SUMF1: variants seen among roughly 807,000 people sequenced by gnomAD.
SUMF1 encodes sulfatase modifying factor 1.
SUMF1 carries 48 observed loss-of-function variants against 47.6 expected under a neutral mutation model. That is an observed-to-expected ratio of 1.01 (90% CI 0.80 to 1.28). SUMF1 has a LOEUF of 1.28. Among genes scored for constraint, SUMF1 ranks in the 50% most tolerant of loss-of-function variants. SUMF1 has a pLI of 0.00. For missense variants in SUMF1, 571 were observed against 485.4 expected, an observed-to-expected ratio of 1.18 and a Z score of -1.66; for synonymous variants, 230 against 192.1, an observed-to-expected ratio of 1.20 and a Z score of -1.63.
intron 8 of SUMF1, among the ~76,000 whole-genome samples, chr3:4,366,270 T>C (rs374864422): frequency 3.3e-5 from 5 of 152,160 alleles, no homozygotes; most frequent in South Asian, 2.1e-4. Flanking sequence ...GCCTGCCTTG[T>C]TAGATTGGGG....
intron 8 of SUMF1, among the ~76,000 whole-genome samples, chr3:4,212,844 A>G (rs1695829466): frequency 6.6e-6 from 1 of 152,204 alleles, no homozygotes; most frequent in African/African-American, 2.4e-5. Flanking sequence ...AAATAAAGCG[A>G]GAAGACAAAA....
chr3:4,197,641 T>C (rs2587928), intron 8 of SUMF1, among the ~76,000 whole-genome samples: 52,698 of 151,942 alleles, frequency 0.35, 9,296 homozygotes, highest in East Asian at 0.4. Flanking sequence ...GGATGCTACT[T>C]TTATAGAATA....
chr3:4,315,936 A>G (rs1698619748), intron 8 of SUMF1, among the ~76,000 whole-genome samples: 1 of 151,360 alleles, frequency 6.6e-6, no homozygotes. Context: ...AGTCCCAGCT[A>G]CTCAGGAGGC....
intron 8 of SUMF1, among the ~76,000 whole-genome samples, chr3:4,240,634 A>G (rs1696515081): frequency 6.6e-6 from 1 of 152,102 alleles, no homozygotes; most frequent in Non-Finnish European, 1.5e-5. Flanking sequence ...TGATAGTGAG[A>G]TATTATAAGC....
In SUMF1 at chr3:4,054,205, G is replaced by T. The variant is rs115777141; in HGVS notation, c.1191+14364C>A. On this transcript the variant is annotated intron_variant and NMD_transcript_variant, in intron 9 of 12. Coordinates refer to the SUMF1 transcript ENST00000448413. ...ATAAATGAACACAGGCCAATAGTGAGAAAAAGAACTGTATATGAGCACAAT... is the reference window on the plus strand; with the variant it reads ...ATAAATGAACACAGGCCAATAGTGATAAAAAGAACTGTATATGAGCACAAT... 5.6e-3 allele frequency among the ~76,000 whole-genome samples: 847 copies of T among 152,182 alleles called. 15 individuals are homozygous for T. Among genetic ancestry groups the T allele is most frequent in the Non-Finnish European group, 6.9e-3 (471 of 67,998 alleles).
intron 8 of SUMF1, among the ~76,000 whole-genome samples, chr3:4,161,403 G>A (rs577204659): frequency 2.6e-5 from 4 of 152,260 alleles, no homozygotes; most frequent in Admixed American, 6.5e-5. Flanking sequence ...AGTTCTCCCA[G>A]GCCCTCGGTG....
intron 8 of SUMF1, among the ~76,000 whole-genome samples, chr3:4,293,118 A>T (rs1559659262): frequency 6.6e-6 from 1 of 152,226 alleles, no homozygotes; most frequent in Non-Finnish European, 1.5e-5. Context: ...TGAGGGATTA[A>T]AGCTAGAGTC....
chr3:4,386,634 C>G (rs536845289), intron 7 of SUMF1, among the ~76,000 whole-genome samples: 1 of 152,136 alleles, frequency 6.6e-6, no homozygotes, highest in East Asian at 1.9e-4. Context: ...AATCCCAGCA[C>G]TATGTTGAAT....
chr3:4,263,169 A>C (rs1276364591), intron 8 of SUMF1, among the ~76,000 whole-genome samples: 1 of 152,226 alleles, frequency 6.6e-6, no homozygotes, highest in African/African-American at 2.4e-5. Context: ...GAAAATCTCC[A>C]ATCTGTAATA....
At chr3:4,345,775 G>A (rs1699360974) in intron 8 of SUMF1, among the ~76,000 whole-genome samples, 1 of 152,136 alleles carries the variant, frequency 6.6e-6, no homozygotes, top group African/African-American at 2.4e-5. Flanking sequence ...TCAGCATGCT[G>A]TATTCAGGAG....
intron 8 of SUMF1, among the ~76,000 whole-genome samples, chr3:4,233,163 C>T (rs1426250144): frequency 1.3e-5 from 2 of 152,240 alleles, no homozygotes; most frequent in Non-Finnish European, 2.9e-5. Context: ...CAGCAGCAGA[C>T]GCTTTACAGA....
At chr3:4,055,739 G>A (rs1188863403) in intron 9 of SUMF1, among the ~76,000 whole-genome samples, 1 of 152,090 alleles carries the variant, frequency 6.6e-6, no homozygotes, top group Non-Finnish European at 1.5e-5. Context: ...AAAGTGCAAG[G>A]ATTACAAGTG....
chr3:4,235,345 G>C (rs532605539), intron 8 of SUMF1, among the ~76,000 whole-genome samples: 24 of 152,166 alleles, frequency 1.6e-4, no homozygotes, highest in Middle Eastern at 3.4e-3. Context: ...GATAAATACA[G>C]TTTTGAATTT....
At chr3:4,155,468 G>T (rs561270518) in intron 8 of SUMF1, among the ~76,000 whole-genome samples, 14 of 151,462 alleles carry the variant, frequency 9.2e-5, no homozygotes, top group Non-Finnish European at 1.8e-4. Flanking sequence ...GAGCTTTGAA[G>T]CAAAAGGAAG....
chr3:4,168,950 C>G (rs930251126), intron 8 of SUMF1, among the ~76,000 whole-genome samples: 1 of 152,168 alleles, frequency 6.6e-6, no homozygotes, highest in Non-Finnish European at 1.5e-5. Flanking sequence ...AGATATTGTT[C>G]CAGCAACGTA....
chr3:4,348,258 C>A (rs568781359), intron 8 of SUMF1, among the ~76,000 whole-genome samples: 1 of 152,300 alleles, frequency 6.6e-6, no homozygotes, highest in South Asian at 2.1e-4. Flanking sequence ...GGAGGCATCA[C>A]ACTACCTGAC....
intron 7 of SUMF1, among the ~76,000 whole-genome samples, chr3:4,399,672 G>A (rs1701145871): frequency 6.6e-6 from 1 of 152,180 alleles, no homozygotes; most frequent in African/African-American, 2.4e-5. Flanking sequence ...AGATGGAAAG[G>A]AAGGCCCACG....
chr3:4,180,700 A>ACACACACACACACACACACACACAC (rs1553606606), intron 8 of SUMF1, among the ~76,000 whole-genome samples: 9 of 151,420 alleles, frequency 5.9e-5, no homozygotes, highest in Non-Finnish European at 8.8e-5. Context: ...ACACACACAC[A>ACACACACACACACACACACACACAC]AAATTAGCCA....
At chr3:4,230,739 C>T (rs779831667) in intron 8 of SUMF1, among the ~76,000 whole-genome samples, 1 of 152,064 alleles carries the variant, frequency 6.6e-6, no homozygotes, top group Non-Finnish European at 1.5e-5. Context: ...ATCGTGCCTT[C>T]GTCTTTCTGG....
Sources: gnomAD v4.1 joint callset for allele counts (sites outside exome capture counted in the v4.1 genomes callset) on GRCh38, gnomAD v4.1.1 for gene constraint, MANE v1.5 for transcripts, NCBI Gene and HGNC (gene_info 2026-07-23, HGNC 2026-07-21) for gene names.